PLA2G6: variants seen among roughly 807,000 people sequenced by gnomAD.
The protein encoded by PLA2G6 is phospholipase A2 group VI.
A neutral mutation model predicts 83.8 loss-of-function variants in PLA2G6; 62 were observed. The observed-to-expected ratio is 0.74, with a 90% CI of 0.60 to 0.91. The LOEUF (loss-of-function observed/expected upper bound fraction) is 0.91. Among genes scored for constraint, PLA2G6 ranks in the 40% least tolerant of loss-of-function variants. PLA2G6 has a pLI of 0.00. For missense variants in PLA2G6, 944 were observed against 1,102.0 expected, an observed-to-expected ratio of 0.86 and a Z score of 2.03; for synonymous variants, 417 against 449.8, an observed-to-expected ratio of 0.93 and a Z score of 0.92.
chr22:38,165,015 G>A (rs2090162517), intron 2 of PLA2G6, among the ~76,000 whole-genome samples: 1 of 151,898 alleles, frequency 6.6e-6, no homozygotes, highest in Non-Finnish European at 1.5e-5. Flanking sequence ...CTCACTCCAG[G>A]TCACAGCCTA....
intron 2 of PLA2G6, chr22:38,146,349 A>AT (rs34566636): frequency 1.3e-5 from 2 of 151,470 alleles, no homozygotes; most frequent in African/African-American, 2.4e-5. Context: ...GCCTGGCCTA[A>AT]TTTTTTTTTA....
intron 1 of PLA2G6, among the ~76,000 whole-genome samples, chr22:38,170,070 C>T (rs1007224792): frequency 3.3e-5 from 5 of 151,842 alleles, no homozygotes; most frequent in African/African-American, 4.8e-5. Context: ...TGGTGGCAGG[C>T]GCCTGTAGTC....
chr22:38,139,138 G>A (rs765876517), intron 5 of PLA2G6: 6 of 152,208 alleles, frequency 3.9e-5, no homozygotes, highest in African/African-American at 1.2e-4. Context: ...CTAGGTGGAC[G>A]GGCACTCGGC....
chr22:38,170,019 G>A (rs1447499195), intron 1 of PLA2G6, among the ~76,000 whole-genome samples: 4 of 152,138 alleles, frequency 2.6e-5, no homozygotes, highest in East Asian at 1.9e-4. Flanking sequence ...CCAACATGGC[G>A]AAACCCTGCC....
chr22:38,124,358 A>T (rs1419433368), intron 10 of PLA2G6, among the ~76,000 whole-genome samples: 3 of 152,138 alleles, frequency 2.0e-5, no homozygotes, highest in East Asian at 1.9e-4. Flanking sequence ...GAACCAAGTC[A>T]TATGGATGCG....
chr22:38,124,262 G>A (rs538191664), intron 10 of PLA2G6, among the ~76,000 whole-genome samples: 1 of 152,276 alleles, frequency 6.6e-6, no homozygotes, highest in South Asian at 2.1e-4. Context: ...CCGAGTAGCT[G>A]GGACTACAGG....
rs182945552 is a variant in PLA2G6, at chr22:38,161,177, A to C, written c.209+8041T>G. 7.2e-5 allele frequency among the ~76,000 whole-genome samples: 11 copies of C among 152,310 alleles called. No individual in the cohort carries two copies. In the East Asian group the frequency reaches 2.1e-3, roughly 29 times the overall value. ...ATTGTATAGCGATGGAAAATAACTT[A>C]GGTCAGGACATTATAACAGAAAACT... is the stretch of plus-strand genomic sequence containing the variant. On this transcript the variant is annotated intron_variant, in intron 2 of 16. Transcript: ENST00000332509.
chr22:38,167,560 G>A (rs2090268937), intron 2 of PLA2G6, among the ~76,000 whole-genome samples: 1 of 152,194 alleles, frequency 6.6e-6, no homozygotes, highest in Non-Finnish European at 1.5e-5. Context: ...GTGCAAGCCT[G>A]CCCCGTCCAG....
chr22:38,134,244 C>T (rs5756922), intron 6 of PLA2G6: 51,946 of 152,424 alleles, frequency 0.34, 9,986 homozygotes, highest in South Asian at 0.45. Flanking sequence ...ACCTTGTGAT[C>T]GTGTGAGTTA....
intron 12 of PLA2G6, among the ~76,000 whole-genome samples, chr22:38,117,873 T>C (rs1296321963): frequency 6.6e-6 from 1 of 151,554 alleles, no homozygotes; most frequent in Non-Finnish European, 1.5e-5. Flanking sequence ...CTGTCTCTAC[T>C]AAAATACAAA....
At chr22:38,161,182 AG>A (rs1437318660) in intron 2 of PLA2G6, among the ~76,000 whole-genome samples, 1 of 152,194 alleles carries the variant, frequency 6.6e-6, no homozygotes, top group Non-Finnish European at 1.5e-5. Context: ...AACTTAGGTC[AG>A]GACATTATAA....
rs2086898473 is a variant in PLA2G6, at chr22:38,112,150, G to A, written c.*11C>T. 3.8e-6 allele frequency: 6 copies of A among 1,573,330 alleles called. No homozygotes were observed. The highest frequency in any genetic ancestry group is 5.2e-6 in the Non-Finnish European group (6 of 1,159,870). ...CGAGGTCAGCTGGGGCCGGTGAGAG[G>A]CTGGGGACCCTCAGGGTGAGAGCAG... On this transcript the variant is annotated 3_prime_UTR_variant, in exon 17 of 17. Transcript: ENST00000332509.
At chr22:38,131,411 A>G (rs2088203293) in intron 7 of PLA2G6, 1 of 152,152 alleles carries the variant, frequency 6.6e-6, no homozygotes. Flanking sequence ...TTTTTAAATG[A>G]ATTAATATTT....
At chr22:38,139,054 G>C (rs2088722607) in intron 5 of PLA2G6, 1 of 152,094 alleles carries the variant, frequency 6.6e-6, no homozygotes. Flanking sequence ...CTGACACCAG[G>C]GGTTCCCAGG....
intron 5 of PLA2G6, chr22:38,137,871 A>G (rs1440173330): frequency 6.6e-6 from 1 of 152,398 alleles, no homozygotes; most frequent in African/African-American, 2.4e-5. Context: ...AAAGAAAAAC[A>G]GCGAGGGAGC....
At chr22:38,140,210 G>A (rs2088817107) in intron 4 of PLA2G6, 41 bp from the exon 5 acceptor site, 1 of 1,594,092 alleles carries the variant, frequency 6.3e-7, no homozygotes, top group African/African-American at 1.3e-5. Flanking sequence ...ATAGGATGCT[G>A]ATAAGAACGT....
At chr22:38,115,844 T>C in intron 13 of PLA2G6, 163 bp from the exon 14 acceptor site, 2 of 1,474,676 alleles carry the variant, frequency 1.4e-6, no homozygotes, top group Non-Finnish European at 1.8e-6. Flanking sequence ...CTCTGGCTAG[T>C]TCGTCCTGGT....
In PLA2G6 at chr22:38,135,013, G is replaced by A. The variant is rs369017644; in HGVS notation, c.869C>T (p.Pro290Leu). The A allele has an allele frequency of 8.1e-6, 13 of 1,613,346 alleles. No homozygotes were observed. Among genetic ancestry groups the A allele is most frequent in the Non-Finnish European group, 1.1e-5 (13 of 1,179,688 alleles). Residue 290 changes from proline (P) to leucine (L), a missense_variant, in exon 6 of 17, where the codon CCC (proline) becomes CTC (leucine). Physicochemically the swap from Pro to Leu is moderately conservative, Grantham distance 98. Transcript: ENST00000332509. ...HSKDPRYGAS[P>L]LHWAKNAEMA... ...CTCTGCGTTCTTGGCCCAGTGGAGGGGGCTGGCTCCGTAACGGGGGTCTTT... is the reference window on the plus strand; with the variant it reads ...CTCTGCGTTCTTGGCCCAGTGGAGGAGGCTGGCTCCGTAACGGGGGTCTTT...
At chr22:38,118,047 AAAAG>A (rs1259212909) in intron 12 of PLA2G6, among the ~76,000 whole-genome samples, 2 of 152,056 alleles carry the variant, frequency 1.3e-5, no homozygotes, top group Non-Finnish European at 2.9e-5. Flanking sequence ...AAAAAAAAAA[AAAAG>A]AAAGAAATAA....
Sources: allele counts gnomAD v4.1 joint callset (sites outside exome capture counted in the v4.1 genomes callset), GRCh38; gene constraint gnomAD v4.1.1; transcripts MANE v1.5; gene names NCBI Gene and HGNC (gene_info 2026-07-23, HGNC 2026-07-21).